Variants in DOCK2 observed in about 807,000 individuals in gnomAD.
The protein encoded by DOCK2 is dedicator of cytokinesis 2, also known as dedicator of cytokinesis protein 2.
A neutral mutation model predicts 248.9 loss-of-function variants in DOCK2; 87 were observed. The observed-to-expected ratio is 0.35, with a 90% CI of 0.29 to 0.42. DOCK2 has a LOEUF of 0.42. Among genes scored for constraint, DOCK2 ranks in the 10% least tolerant of loss-of-function variants. DOCK2 has a pLI of 1.00. For synonymous variants in DOCK2, 805 were observed against 821.6 expected (o/e 0.98, Z 0.35); for missense variants, 1,747 against 2,300.2 (o/e 0.76, Z 4.92).
At chr5:169,754,730 C>G (rs1764099593) in intron 23 of DOCK2, among the ~76,000 whole-genome samples, 1 of 152,194 alleles carries the variant, frequency 6.6e-6, no homozygotes, top group African/African-American at 2.4e-5. Flanking sequence ...GGGTACACAT[C>G]CTTGCTTTGC....
intron 23 of DOCK2, among the ~76,000 whole-genome samples, chr5:169,756,514 G>A (rs1209596832): frequency 1.3e-5 from 2 of 152,232 alleles, no homozygotes; most frequent in East Asian, 1.9e-4. Context: ...TGAAGAGGCT[G>A]AGGCTCAAGG....
chr5:169,699,573 A>G, intron 12 of DOCK2, 115 bp downstream of exon 12: 1 of 992,600 alleles, frequency 1.0e-6, no homozygotes, highest in Middle Eastern at 2.2e-4. Flanking sequence ...TTCCAGACAG[A>G]CCACTGGGAA....
At position 169,766,467 on chromosome 5, in the gene DOCK2, C is replaced by T. The variant is rs1218980161; in HGVS notation, c.2554+4842C>T. Among the ~76,000 whole-genome samples the T allele has an allele frequency of 2.0e-5, 3 of 152,122 alleles. No homozygotes were observed. The East Asian group carries it at 5.8e-4, about 29-fold the overall frequency. On this transcript the variant is annotated intron_variant, in intron 25 of 51. Coordinates refer to ENST00000520908, the MANE Select transcript of DOCK2 (RefSeq NM_004946.3). ...TGTACCACATTTTCTTTATCCAGTCCACCATCAGCGCGTGTTTAGGTTGAT... is the reference window on the plus strand; with the variant it reads ...TGTACCACATTTTCTTTATCCAGTCTACCATCAGCGCGTGTTTAGGTTGAT...
At position 170,019,022 on chromosome 5, in the gene DOCK2, C is replaced by G; in HGVS notation, c.3295C>G (p.Pro1099Ala). The G allele has an allele frequency of 1.2e-6, 2 of 1,614,090 alleles. No homozygotes were observed. The highest frequency in any genetic ancestry group is 1.7e-6 in the Non-Finnish European group (2 of 1,179,960). ...ACCTATATTAGAGATGACACTTATC[C>G]CTGAGGCTGAGCTCCGGAAAGCCAC... ...VGPILEMTLI[P>A]EAELRKATIP... The change falls in exon 33 of 52, where the codon CCT (proline) becomes GCT (alanine). Residue 1099 changes from proline to alanine, a missense_variant. Coordinates refer to ENST00000520908, the MANE Select transcript of DOCK2 (RefSeq NM_004946.3).
At chr5:169,695,687 C>T in intron 9 of DOCK2, 116 bp from the exon 10 acceptor site, 2 of 1,373,132 alleles carry the variant, frequency 1.5e-6, no homozygotes, top group Non-Finnish European at 2.0e-6. Flanking sequence ...ATGATTGGTC[C>T]ATGTATAGCA....
intron 34 of DOCK2, among the ~76,000 whole-genome samples, chr5:170,031,215 G>A (rs900846947): frequency 2.0e-5 from 3 of 152,218 alleles, no homozygotes; most frequent in Non-Finnish European, 2.9e-5. Context: ...ATAGATGTAT[G>A]TTCTTGGGCC....
intron 33 of DOCK2, among the ~76,000 whole-genome samples, chr5:170,027,224 T>TTG (rs1755951213): frequency 6.6e-6 from 1 of 152,106 alleles, no homozygotes; most frequent in Non-Finnish European, 1.5e-5. Flanking sequence ...GTCCAGACCT[T>TTG]TATTAATTCT....
chr5:170,002,206 A>G (rs73800258), intron 30 of DOCK2, among the ~76,000 whole-genome samples: 5,667 of 151,450 alleles, frequency 0.037, 340 homozygotes, highest in African/African-American at 0.13. Flanking sequence ...ATGTTTAAAT[A>G]AAGGCGTTGA....
At chr5:169,984,237 C>T (rs1258597853) in intron 28 of DOCK2, among the ~76,000 whole-genome samples, 1 of 152,132 alleles carries the variant, frequency 6.6e-6, no homozygotes, top group East Asian at 1.9e-4. Context: ...ACACTATCTC[C>T]TCATTAAGAA....
At chr5:169,882,346 T>C (rs1357067719) in intron 27 of DOCK2, among the ~76,000 whole-genome samples, 1 of 152,098 alleles carries the variant, frequency 6.6e-6, no homozygotes, top group Non-Finnish European at 1.5e-5. Flanking sequence ...CAAACAGCAG[T>C]AGAAATCCAC....
intron 44 of DOCK2, among the ~76,000 whole-genome samples, chr5:170,061,141 T>C (rs1298731819): frequency 6.6e-6 from 1 of 152,236 alleles, no homozygotes; most frequent in Non-Finnish European, 1.5e-5. Flanking sequence ...TTTTACATTT[T>C]TTTCCAAAGC....
intron 27 of DOCK2, among the ~76,000 whole-genome samples, chr5:169,913,742 T>C (rs1774727230): frequency 2.0e-5 from 3 of 152,056 alleles, no homozygotes; most frequent in Admixed American, 2.0e-4. Context: ...CCAAATTAGG[T>C]CTACAAAGTG....
intron 44 of DOCK2, among the ~76,000 whole-genome samples, chr5:170,062,789 G>A (rs1053984935): frequency 6.6e-6 from 1 of 152,084 alleles, no homozygotes; most frequent in Non-Finnish European, 1.5e-5. Flanking sequence ...GTGTAGTAAA[G>A]GGTCTTTTAA....
chr5:169,876,122 G>A (rs1772319174), intron 27 of DOCK2, among the ~76,000 whole-genome samples: 1 of 152,094 alleles, frequency 6.6e-6, no homozygotes, highest in Non-Finnish European at 1.5e-5. Flanking sequence ...TTTGCCTCTG[G>A]CGTCACATCT....
At chr5:169,776,772 C>G (rs145003084) in intron 25 of DOCK2, among the ~76,000 whole-genome samples, 1 of 152,200 alleles carries the variant, frequency 6.6e-6, no homozygotes, top group Non-Finnish European at 1.5e-5. Context: ...TTGCTCGCCA[C>G]GCATTCTCAC....
intron 22 of DOCK2, among the ~76,000 whole-genome samples, chr5:169,728,483 A>G (rs762142110): frequency 3.3e-5 from 5 of 152,146 alleles, no homozygotes; most frequent in Non-Finnish European, 7.3e-5. Flanking sequence ...ACAGGCAGAA[A>G]GGATTGTCAT....
chr5:169,870,673 A>G (rs772345102), intron 27 of DOCK2, among the ~76,000 whole-genome samples: 12 of 152,112 alleles, frequency 7.9e-5, no homozygotes, highest in Non-Finnish European at 1.5e-4. Context: ...TACACATGTA[A>G]ACATGTGCCA....
chr5:169,846,083 T>C (rs1428575000), intron 27 of DOCK2, among the ~76,000 whole-genome samples: 1 of 152,190 alleles, frequency 6.6e-6, no homozygotes, highest in Non-Finnish European at 1.5e-5. Context: ...CTTTTAATTT[T>C]CCAGATGTGA....
rs760278887 is a variant in DOCK2 at position 169,803,213 on chromosome 5, C to T, written c.2703+7C>T. ...CCTTAGCTACCAGGATGCGGTGAGTCCTCCTGATGATGTAGATATCCTGGA... is the reference window on the plus strand; with the variant it reads ...CCTTAGCTACCAGGATGCGGTGAGTTCTCCTGATGATGTAGATATCCTGGA... On this transcript the variant is annotated splice_region_variant and intron_variant, in intron 26 of 51. Coordinates refer to ENST00000520908, the MANE Select transcript of DOCK2 (RefSeq NM_004946.3). 11 of 1,611,500 alleles carry T rather than the reference C, an allele frequency of 6.8e-6. No homozygotes were observed. In the Admixed American group the frequency reaches 1.9e-4, roughly 27 times the overall value.
Sources: gnomAD v4.1 joint callset for allele counts (sites outside exome capture counted in the v4.1 genomes callset) on GRCh38, gnomAD v4.1.1 for gene constraint, MANE v1.5 for transcripts, NCBI Gene and HGNC (gene_info 2026-07-23, HGNC 2026-07-21) for gene names.